The following SAMD12 variants were observed in gnomAD, a reference collection of about 807,000 sequenced individuals.
SAMD12 encodes sterile alpha motif domain containing 12.
Under a neutral mutation model 15.0 loss-of-function variants are expected in SAMD12, and 9 were observed. The ratio of observed to expected loss-of-function variants is 0.60; its 90% confidence interval spans 0.36 to 1.05. SAMD12 has a LOEUF of 1.05. Among genes scored for constraint, SAMD12 ranks in the 50% least tolerant of loss-of-function variants. The pLI is 0.01. For missense variants in SAMD12, 230 were observed against 234.2 expected, an observed-to-expected ratio of 0.98 and a Z score of 0.12; for synonymous variants, 86 against 90.1, an observed-to-expected ratio of 0.96 and a Z score of 0.25.
the SAMD12 span, among the ~76,000 whole-genome samples, chr8:118,149,696 T>TA: frequency 6.6e-6 from 1 of 152,314 alleles, no homozygotes; most frequent in South Asian, 2.1e-4. Flanking sequence ...CTAGAGTTTT[T>TA]ATAGTTTTAA....
intron 2 of SAMD12, among the ~76,000 whole-genome samples, chr8:118,445,318 C>T (rs1249937821): frequency 6.6e-6 from 1 of 152,166 alleles, no homozygotes; most frequent in African/African-American, 2.4e-5. Flanking sequence ...CTAATAATGT[C>T]TTCTTCTGTC....
At chr8:118,526,877 C>A (rs983240437) in intron 2 of SAMD12, among the ~76,000 whole-genome samples, 6 of 152,152 alleles carry the variant, frequency 3.9e-5, no homozygotes, top group African/African-American at 1.4e-4. Context: ...GGAAAACATT[C>A]CACACATCAG....
At chr8:118,289,572 T>G (rs1350894430) in intron 4 of SAMD12, among the ~76,000 whole-genome samples, 1 of 152,226 alleles carries the variant, frequency 6.6e-6, no homozygotes, top group Non-Finnish European at 1.5e-5. Flanking sequence ...TCAGGTGGTT[T>G]AAAAATATGA....
intron 2 of SAMD12, among the ~76,000 whole-genome samples, chr8:118,567,614 C>T (rs1413868599): frequency 6.6e-6 from 1 of 152,100 alleles, no homozygotes; most frequent in Non-Finnish European, 1.5e-5. Flanking sequence ...GGTATTTGGC[C>T]AAAAATCTGC....
intron 3 of SAMD12, among the ~76,000 whole-genome samples, chr8:118,428,271 A>G (rs1183298871): frequency 6.6e-6 from 1 of 152,160 alleles, no homozygotes; most frequent in Non-Finnish European, 1.5e-5. Flanking sequence ...ATTTTGATAA[A>G]GACCAATTTA....
chr8:118,360,578 A>C (rs1281532371), intron 4 of SAMD12, among the ~76,000 whole-genome samples: 1 of 152,098 alleles, frequency 6.6e-6, no homozygotes, highest in African/African-American at 2.4e-5. Context: ...AAAAAGGTAG[A>C]GTTGAAAGTA....
At chr8:118,454,243 A>G (rs542170630) in intron 2 of SAMD12, among the ~76,000 whole-genome samples, 3 of 152,346 alleles carry the variant, frequency 2.0e-5, no homozygotes, top group African/African-American at 7.2e-5. Context: ...AGCTGAAAAA[A>G]CAATCCCTCA....
chr8:118,334,265 C>T (rs1306274809), intron 4 of SAMD12, among the ~76,000 whole-genome samples: 1 of 152,112 alleles, frequency 6.6e-6, no homozygotes, highest in Non-Finnish European at 1.5e-5. Flanking sequence ...TCTGTCATTC[C>T]TATCATGCTA....
chr8:118,192,040 C>G (rs1181643285), exon 5 of SAMD12: 1 of 151,272 alleles, frequency 6.6e-6, no homozygotes, highest in Admixed American at 6.6e-5. Context: ...AGACCATGAT[C>G]AGTTTGTGGA....
chr8:118,277,581 TAA>T (rs1373853636), intron 4 of SAMD12, among the ~76,000 whole-genome samples: 57 of 125,054 alleles, frequency 4.6e-4, no homozygotes, highest in Non-Finnish European at 4.2e-4. Flanking sequence ...GTCTCCTGAG[TAA>T]AAAAAAAAAA....
In SAMD12 at chr8:118,310,876, T is replaced by C. The variant is rs372871717; in HGVS notation, c.433+68684A>G. On this transcript the variant is annotated intron_variant, in intron 4 of 4. Transcript: ENST00000409003. ...AGCCCTAACTAATATTCCTACCAGA[T>C]AGATAGTTTGTTGAGGGCAGGGTCT... is the stretch of plus-strand genomic sequence containing the variant. Among the ~76,000 whole-genome samples, 114 of 152,340 alleles carry C rather than the reference T, an allele frequency of 7.5e-4. 2 individuals are homozygous for C. In the South Asian group the frequency reaches 0.022, roughly 29 times the overall value.
chr8:118,578,402 A>G (rs563485934), intron 2 of SAMD12, among the ~76,000 whole-genome samples: 1 of 152,308 alleles, frequency 6.6e-6, no homozygotes, highest in Non-Finnish European at 1.5e-5. Flanking sequence ...GCACACATTT[A>G]AAATTTTGAT....
the SAMD12 span, among the ~76,000 whole-genome samples, chr8:118,178,804 C>T: frequency 1.3e-5 from 2 of 152,182 alleles, no homozygotes; most frequent in African/African-American, 4.8e-5. Context: ...ATAATTAATG[C>T]TAACTGCCAC....
chr8:118,404,578 G>C (rs1054926529), intron 3 of SAMD12, among the ~76,000 whole-genome samples: 1 of 152,146 alleles, frequency 6.6e-6, no homozygotes, highest in African/African-American at 2.4e-5. Flanking sequence ...TTTGGAGTTT[G>C]TGTTATTAAA....
intron 2 of SAMD12, among the ~76,000 whole-genome samples, chr8:118,561,657 C>T (rs1327773455): frequency 6.6e-6 from 1 of 152,180 alleles, no homozygotes; most frequent in African/African-American, 2.4e-5. Flanking sequence ...ATCACAAGAA[C>T]AGCACGGAGA....
At chr8:118,496,878 A>G (rs79892147) in intron 2 of SAMD12, among the ~76,000 whole-genome samples, 9,920 of 152,060 alleles carry the variant, frequency 0.065, 648 homozygotes, top group African/African-American at 0.16. Flanking sequence ...AGCCAAAAAA[A>G]AACCCAAATG....
intron 4 of SAMD12, among the ~76,000 whole-genome samples, chr8:118,305,782 C>T (rs1815316070): frequency 6.6e-6 from 1 of 152,146 alleles, no homozygotes; most frequent in Non-Finnish European, 1.5e-5. Context: ...GTGCTTTTTC[C>T]TTCTTTGCCT....
intron 3 of SAMD12, among the ~76,000 whole-genome samples, chr8:118,413,990 G>C (rs1331617226): frequency 1.3e-5 from 2 of 152,074 alleles, no homozygotes; most frequent in Non-Finnish European, 2.9e-5. Context: ...GTGTTTATGG[G>C]TAAAAAGGTA....
At chr8:118,197,585 T>A in exon 5 of SAMD12, 1 of 867,866 alleles carries the variant, frequency 1.2e-6, no homozygotes, top group Non-Finnish European at 2.0e-6. Flanking sequence ...TTTTTTCAGT[T>A]AATCCAGTTA....
Sources: gnomAD v4.1 joint callset for allele counts (sites outside exome capture counted in the v4.1 genomes callset) on GRCh38, gnomAD v4.1.1 for gene constraint, MANE v1.5 for transcripts, NCBI Gene and HGNC (gene_info 2026-07-23, HGNC 2026-07-21) for gene names.